The following HTT variants were observed in gnomAD, a reference collection of about 807,000 sequenced individuals.
The protein encoded by HTT is huntington disease protein.
HTT carries 104 observed loss-of-function variants against 362.3 expected under a neutral mutation model. The ratio of observed to expected loss-of-function variants is 0.29; its 90% CI spans 0.24 to 0.34. The LOEUF (loss-of-function observed/expected upper bound fraction) is 0.34, where lower values mean the gene tolerates loss of function less well. Ranked by LOEUF, HTT falls within the 10% of genes least tolerant of loss-of-function variation. The pLI, the probability that HTT is intolerant of heterozygous loss-of-function variation, is 1.00. For synonymous variants in HTT, 1,577 were observed against 1,548.7 expected, an observed-to-expected ratio of 1.02 and a Z score of -0.43; for missense variants, 3,301 against 3,928.6, an observed-to-expected ratio of 0.84 and a Z score of 4.27.
At chr4:3,203,918 C>G in intron 41 of HTT, 89 bp from the exon 42 acceptor site, 1 of 1,294,064 alleles carries the variant, frequency 7.7e-7, no homozygotes, top group South Asian at 1.3e-5. Flanking sequence ...TGTTTTAGAA[C>G]TAGAATTAAA....
chr4:3,208,872 G>A lies in HTT; in HGVS notation c.6252G>A (p.Gly2084=). The change falls in exon 46 of 67, where the codon GGG becomes GGA. Residue 2084 remains glycine, a synonymous_variant. Coordinates refer to ENST00000355072, the MANE Select transcript of HTT (RefSeq NM_001388492.1). ...CAGTCTCTTCCCACCCGCTGGACGG[G>A]GATGGGCACGTGTCACTGGAAACAG... ...SPPVSSHPLD[G]DGHVSLETVS... The A allele has an allele frequency of 6.2e-7, 1 of 1,613,992 alleles. No individual in the cohort carries two copies. The highest frequency in any genetic ancestry group is 8.5e-7 in the Non-Finnish European group (1 of 1,179,966).
intron 8 of HTT, among the ~76,000 whole-genome samples, chr4:3,118,979 C>T (rs1197838721): frequency 6.6e-6 from 1 of 152,100 alleles, no homozygotes; most frequent in Non-Finnish European, 1.5e-5. Flanking sequence ...CTAGGCCTGG[C>T]CAAACTATTA....
intron 11 of HTT, among the ~76,000 whole-genome samples, chr4:3,126,943 A>C (rs1460853984): frequency 6.6e-6 from 1 of 152,174 alleles, no homozygotes; most frequent in African/African-American, 2.4e-5. Flanking sequence ...GCTGCCCCTT[A>C]ATTACAAATG....
In HTT at chr4:3,233,303, C is replaced by G; in HGVS notation, c.8406C>G (p.Leu2802=). The change falls in exon 61 of 67, where the codon CTC becomes CTG. Residue 2802 remains leucine, a synonymous_variant. Coordinates refer to ENST00000355072, the MANE Select transcript of HTT (RefSeq NM_001388492.1). ...TGCTGGACGACACTGCCAAGCAGCT[C>G]ATCCCGGTCATCAGCGACTATCTCC... ...CDLLDDTAKQ[L]IPVISDYLLS... The G allele has an allele frequency of 6.2e-7, 1 of 1,609,362 alleles. No individual in the cohort carries two copies. Among genetic ancestry groups the G allele is most frequent in the South Asian group, 1.1e-5 (1 of 91,008 alleles).
In HTT at chr4:3,121,312, A is replaced by C; in HGVS notation, c.1153A>C (p.Arg385=). The change falls in exon 9 of 67, where the codon AGA becomes CGA. Residue 385 remains arginine, a synonymous_variant. Transcript: ENST00000355072. ...GALELLQQLF[R]TPPPELLQTL... ...CCTGGAGCTGTTGCAGCAGCTCTTC[A>C]GAACGCCTCCACCCGAGCTTCTGCA... is the stretch of plus-strand genomic sequence containing the variant. 1.2e-6 allele frequency: 2 copies of C among 1,614,082 alleles called. No individual in the cohort carries two copies. Among genetic ancestry groups the C allele is most frequent in the Non-Finnish European group, 1.7e-6 (2 of 1,179,930 alleles).
At chr4:3,083,540 C>T (rs879310080) in intron 1 of HTT, among the ~76,000 whole-genome samples, 19,994 of 96,530 alleles carry the variant, frequency 0.21, 2,416 homozygotes, top group African/African-American at 0.48. Flanking sequence ...TACACACACA[C>T]ACACACACAC....
chr4:3,209,996 ACTT>A (rs1720071836), intron 47 of HTT, 47 bp downstream of exon 47: 2 of 1,601,960 alleles, frequency 1.2e-6, no homozygotes, highest in Admixed American at 3.4e-5. Flanking sequence ...TTTTCTTGTG[ACTT>A]CCAAGTGGGA....
intron 2 of HTT, among the ~76,000 whole-genome samples, chr4:3,089,242 G>C (rs1348472186): frequency 3.9e-5 from 6 of 152,090 alleles, no homozygotes; most frequent in Non-Finnish European, 7.4e-5. Context: ...ATCATCCAAA[G>C]CTATATGTTA....
intron 6 of HTT, among the ~76,000 whole-genome samples, chr4:3,113,244 T>A (rs1000034843): frequency 5.3e-5 from 8 of 152,216 alleles, no homozygotes; most frequent in African/African-American, 1.9e-4. Flanking sequence ...TTCTTTATTA[T>A]TCCAAACTAT....
At chr4:3,085,750 G>A (rs1441061402) in intron 1 of HTT, among the ~76,000 whole-genome samples, 3 of 152,198 alleles carry the variant, frequency 2.0e-5, no homozygotes, top group African/African-American at 7.2e-5. Flanking sequence ...AATTTTCTCA[G>A]AAACTTAGTA....
At chr4:3,157,236 C>G in intron 28 of HTT, 37 bp downstream of exon 28, 1 of 1,573,876 alleles carries the variant, frequency 6.4e-7, no homozygotes, top group Non-Finnish European at 8.7e-7. Context: ...TATATATGCA[C>G]ACATACTTAC....
chr4:3,211,903 G>A, intron 47 of HTT, 26 bp from the exon 48 acceptor site: 8 of 1,545,186 alleles, frequency 5.2e-6, no homozygotes, highest in Non-Finnish European at 7.2e-6. Context: ...GTTATTGTTT[G>A]TTAACCTTTA....
At chr4:3,144,157 A>G (rs1350403517) in intron 23 of HTT, among the ~76,000 whole-genome samples, 2 of 152,206 alleles carry the variant, frequency 1.3e-5, no homozygotes, top group Admixed American at 1.3e-4. Context: ...TCACACTGGC[A>G]GATAATCACC....
intron 6 of HTT, 30 bp from the exon 7 acceptor site, chr4:3,115,274 T>A: frequency 6.2e-7 from 1 of 1,605,146 alleles, no homozygotes; most frequent in Non-Finnish European, 8.5e-7. Context: ...GAGCTTCATC[T>A]TTTATCTACT....
At position 3,235,626 on chromosome 4, in the gene HTT, C is replaced by G. The variant is rs1199615429; in HGVS notation, c.8633C>G (p.Ala2878Gly). The change falls in exon 63 of 67, where the codon GCC (alanine) becomes GGC (glycine). Residue 2878 changes from alanine (A) to glycine (G), a missense_variant. Physicochemically the swap from Ala to Gly is moderately conservative, Grantham distance 60 (BLOSUM62 0). Transcript: ENST00000355072. ...ESTPSIIYHC[A>G]LRGLERLLLS... ...ACCCCCTCCATCATTTACCACTGTG[C>G]CCTCAGAGGCCTGGAGCGCCTCCTG... 1 of 1,613,868 alleles carries G rather than the reference C, an allele frequency of 6.2e-7. No homozygotes were observed. The highest frequency in any genetic ancestry group is 1.7e-5 in the Admixed American group (1 of 60,024).
intron 60 of HTT, among the ~76,000 whole-genome samples, chr4:3,232,232 T>C (rs1245763518): frequency 6.6e-6 from 1 of 152,172 alleles, no homozygotes; most frequent in Non-Finnish European, 1.5e-5. Context: ...TTTTGGTCCT[T>C]GTTCCTGGGA....
chr4:3,193,111 G>A (rs962952053), intron 40 of HTT, among the ~76,000 whole-genome samples: 1 of 152,250 alleles, frequency 6.6e-6, no homozygotes, highest in Admixed American at 6.5e-5. Flanking sequence ...GTACAGGCAG[G>A]CAGGCAGGAT....
intron 8 of HTT, among the ~76,000 whole-genome samples, 195 bp downstream of exon 8, chr4:3,116,458 G>A (rs375787545): frequency 6.6e-6 from 1 of 152,254 alleles, no homozygotes; most frequent in South Asian, 2.1e-4. Context: ...AGTCAAATGC[G>A]GGTGATGCCT....
In HTT at chr4:3,116,071, T is replaced by G. The variant is rs377522337; in HGVS notation, c.890-14T>G. ...TGAGTCAGATGTTAAGATGTCTTGC[T>G]TCCACCCCCACAGGCTTACTCGTTC... On this transcript the variant is annotated splice_polypyrimidine_tract_variant and intron_variant, in intron 7 of 66. Coordinates refer to ENST00000355072, the MANE Select transcript of HTT (RefSeq NM_001388492.1). The G allele has an allele frequency of 6.3e-7, 1 of 1,597,810 alleles. No individual in the cohort carries two copies. The highest frequency in any genetic ancestry group is 1.1e-5 in the South Asian group (1 of 90,634).
Sources: allele counts gnomAD v4.1 joint callset (sites outside exome capture counted in the v4.1 genomes callset), GRCh38; gene constraint gnomAD v4.1.1; transcripts MANE v1.5; gene names NCBI Gene and HGNC (gene_info 2026-07-23, HGNC 2026-07-21).